Variants in NCOA2 observed in about 807,000 individuals in gnomAD.
NCOA2 encodes the protein class E basic helix-loop-helix protein 75.
In NCOA2, 21 loss-of-function variants were observed where a neutral mutation model predicts 145.1. The observed-to-expected ratio is 0.14, with a 90% confidence interval of 0.10 to 0.21. NCOA2 has a LOEUF of 0.21. Among genes scored for constraint, NCOA2 ranks in the 10% least tolerant of loss-of-function variants. The pLI, the probability that NCOA2 is intolerant of heterozygous loss-of-function variation, is 1.00. For synonymous variants in NCOA2, 619 were observed against 637.5 expected (o/e 0.97, Z 0.44); for missense variants, 1,472 against 1,837.6 (o/e 0.80, Z 3.64).
At chr8:70,124,240 A>G (rs1808156872) in intron 20 of NCOA2, among the ~76,000 whole-genome samples, 158 bp from the exon 21 acceptor site, 1 of 152,160 alleles carries the variant, frequency 6.6e-6, no homozygotes, top group South Asian at 2.1e-4. Context: ...GGCTTGCTGA[A>G]GCCGAGACAG....
At chr8:70,323,472 A>G (rs1806272318) in intron 1 of NCOA2, among the ~76,000 whole-genome samples, 1 of 152,196 alleles carries the variant, frequency 6.6e-6, no homozygotes, top group African/African-American at 2.4e-5. Context: ...TGAAAAGCAG[A>G]TTTATCTGAG....
chr8:70,120,951 T>C (rs778923051), intron 22 of NCOA2, among the ~76,000 whole-genome samples: 9 of 152,170 alleles, frequency 5.9e-5, no homozygotes, highest in Non-Finnish European at 8.8e-5. Context: ...AAATAAAAGT[T>C]TGCCCTAACA....
At chr8:70,378,680 A>G (rs1441474110) in intron 1 of NCOA2, among the ~76,000 whole-genome samples, 1 of 151,878 alleles carries the variant, frequency 6.6e-6, no homozygotes, top group Non-Finnish European at 1.5e-5. Context: ...TAATTTGTAA[A>G]ATAACAGCAA....
chr8:70,270,082 T>G (rs13254587), intron 2 of NCOA2, among the ~76,000 whole-genome samples: 16,045 of 151,886 alleles, frequency 0.11, 1,292 homozygotes, highest in East Asian at 0.41. Context: ...CTGGGGAGGC[T>G]GCGGTGGGAG....
chr8:70,423,004 T>C, the NCOA2 span, among the ~76,000 whole-genome samples: 5 of 152,186 alleles, frequency 3.3e-5, no homozygotes, highest in Non-Finnish European at 7.4e-5. Flanking sequence ...ATTATTTTTC[T>C]TTTAAGAGCT....
At chr8:70,347,159 G>A (rs1808735488) in intron 1 of NCOA2, among the ~76,000 whole-genome samples, 1 of 151,892 alleles carries the variant, frequency 6.6e-6, no homozygotes, top group African/African-American at 2.4e-5. Context: ...ACTAGCCTGG[G>A]CAACGTGGCG....
chr8:70,403,285 C>G (rs1179691318), intron 1 of NCOA2, among the ~76,000 whole-genome samples: 1 of 151,324 alleles, frequency 6.6e-6, no homozygotes, highest in Non-Finnish European at 1.5e-5. Context: ...GCACTCGCTC[C>G]TCGGGGCGGG....
intron 7 of NCOA2, 44 bp from the exon 8 acceptor site, chr8:70,163,610 G>A: frequency 6.0e-6 from 9 of 1,490,802 alleles, no homozygotes; most frequent in Non-Finnish European, 8.4e-6. Flanking sequence ...GGCTTTTCTA[G>A]TGATTCAAAC....
intron 4 of NCOA2, among the ~76,000 whole-genome samples, chr8:70,205,285 G>C (rs1818317389): frequency 6.6e-6 from 1 of 152,178 alleles, no homozygotes; most frequent in African/African-American, 2.4e-5. Context: ...AACAGGAAAA[G>C]CAGTATTTTG....
At chr8:70,198,738 T>G (rs1817595235) in intron 4 of NCOA2, among the ~76,000 whole-genome samples, 1 of 151,862 alleles carries the variant, frequency 6.6e-6, no homozygotes, top group African/African-American at 2.4e-5. Flanking sequence ...GGAACTGAGG[T>G]TTCTAGCCTC....
chr8:70,297,786 G>A (rs7824655), intron 1 of NCOA2, among the ~76,000 whole-genome samples: 7,522 of 152,314 alleles, frequency 0.049, 276 homozygotes, highest in East Asian at 0.16. Context: ...TGTGAACAAA[G>A]TGCTTCGCTG....
Position 70,321,329 on chromosome 8 carries a change from G to GTT in NCOA2, c.-76-24531_-76-24530dup, listed in dbSNP as rs566193167. Reference sequence around the variant, plus strand: ...TATTCATAAAATATAACATCACTTTGTTTTTTTTTTTGTAGAGATAGGGTT... The same window carrying GTT: ...TATTCATAAAATATAACATCACTTTGTTTTTTTTTTTTTGTAGAGATAGGGTT... On this transcript the variant is annotated intron_variant, in intron 1 of 22. Transcript: ENST00000452400. 4.2e-3 allele frequency among the ~76,000 whole-genome samples: 599 copies of GTT among 143,530 alleles called. 5 individuals carry two copies. The highest frequency in any genetic ancestry group is 0.014 in the African/African-American group (574 of 39,600). The allele number at this position is 143,530 out of a possible 152,430, so 94.2% of individuals were successfully genotyped here.
chr8:70,333,465 A>C (rs1351517943), intron 1 of NCOA2, among the ~76,000 whole-genome samples: 1 of 152,232 alleles, frequency 6.6e-6, no homozygotes, highest in Non-Finnish European at 1.5e-5. Flanking sequence ...TCTTAAGAGC[A>C]ATCATTGCCT....
At chr8:70,181,111 A>G (rs1002970255) in intron 4 of NCOA2, among the ~76,000 whole-genome samples, 1 of 152,228 alleles carries the variant, frequency 6.6e-6, no homozygotes, top group African/African-American at 2.4e-5. Flanking sequence ...AACTGAACTG[A>G]GATTACAAAT....
chr8:70,243,962 G>C (rs971031652), intron 2 of NCOA2, among the ~76,000 whole-genome samples: 1 of 152,000 alleles, frequency 6.6e-6, no homozygotes, highest in Non-Finnish European at 1.5e-5. Context: ...ACTGTGCTAA[G>C]ATATGGCTTG....
chr8:70,412,647 C>CAAAAA, the NCOA2 span, among the ~76,000 whole-genome samples: 3 of 48,266 alleles, frequency 6.2e-5, no homozygotes, highest in South Asian at 6.5e-4. Flanking sequence ...TACTTCGTCT[C>CAAAAA]AAAAAAAAAA....
intron 2 of NCOA2, among the ~76,000 whole-genome samples, chr8:70,226,525 A>G (rs1040849117): frequency 6.6e-6 from 1 of 152,092 alleles, no homozygotes; most frequent in East Asian, 1.9e-4. Context: ...TGAGAAATCA[A>G]ATCTCATTTT....
At chr8:70,155,133 G>A (rs2979638) in intron 11 of NCOA2, among the ~76,000 whole-genome samples, 136,032 of 152,252 alleles carry the variant, frequency 0.89, 61,220 homozygotes, top group African/African-American at 0.95. Context: ...TTCAGACAAT[G>A]AGAGCACATA....
At chr8:70,229,162 T>C (rs1820920075) in intron 2 of NCOA2, among the ~76,000 whole-genome samples, 1 of 152,234 alleles carries the variant, frequency 6.6e-6, no homozygotes, top group South Asian at 2.1e-4. Flanking sequence ...TCTATTTGCA[T>C]TTATTTTCTT....
Sources: gnomAD v4.1 joint callset for allele counts (sites outside exome capture counted in the v4.1 genomes callset) on GRCh38, gnomAD v4.1.1 for gene constraint, MANE v1.5 for transcripts, NCBI Gene and HGNC (gene_info 2026-07-23, HGNC 2026-07-21) for gene names.